Variants in PTCHD4 observed in about 807,000 individuals in gnomAD.
The protein encoded by PTCHD4 is patched domain-containing protein 4.
A neutral mutation model predicts 58.1 loss-of-function variants in PTCHD4; 33 were observed. The observed-to-expected ratio is 0.57, with a 90% CI of 0.43 to 0.76. The LOEUF (loss-of-function observed/expected upper bound fraction) is 0.76. PTCHD4 is among the 30% of genes least tolerant of loss of function. The probability of loss-of-function intolerance (pLI) is 0.00; values close to 1 mark genes in which losing one functional copy is unlikely to be tolerated. For synonymous variants in PTCHD4, 478 were observed against 409.6 expected, an observed-to-expected ratio of 1.17 and a Z score of -2.02; for missense variants, 1,058 against 1,027.1, an observed-to-expected ratio of 1.03 and a Z score of -0.41.
intron 3 of PTCHD4, among the ~76,000 whole-genome samples, chr6:48,022,145 C>T (rs1763092535): frequency 6.6e-6 from 1 of 151,692 alleles, no homozygotes; most frequent in Non-Finnish European, 1.5e-5. Flanking sequence ...AATATTCCCT[C>T]CCTCTTCCTT....
intron 4 of PTCHD4, among the ~76,000 whole-genome samples, chr6:47,950,311 A>G (rs979830173): frequency 6.6e-6 from 1 of 152,134 alleles, no homozygotes; most frequent in Non-Finnish European, 1.5e-5. Context: ...CATGGAAAAT[A>G]TAAGCTGGGT....
intron 4 of PTCHD4, among the ~76,000 whole-genome samples, chr6:47,986,874 C>T (rs945878754): frequency 1.3e-5 from 2 of 152,140 alleles, no homozygotes; most frequent in African/African-American, 4.8e-5. Flanking sequence ...GGGTATGCCA[C>T]TGCCAGGGGA....
In PTCHD4 at chr6:48,068,639, C is replaced by T. The variant is rs1005165296; in HGVS notation, c.8G>A (p.Arg3Gln). 17 of 1,546,620 alleles carry T rather than the reference C, an allele frequency of 1.1e-5. No homozygotes were observed. Among genetic ancestry groups the T allele is most frequent in the Non-Finnish European group, 1.5e-5 (17 of 1,151,300 alleles). MR[R>Q]PGAPASWIWW... ...GATCCAGCTCGCAGGCGCTCCCGGCCGTCTTAAAAAGCACATGTGACATGT... is the reference window on the plus strand; with the variant it reads ...GATCCAGCTCGCAGGCGCTCCCGGCTGTCTTAAAAAGCACATGTGACATGT... The change falls in exon 3 of 5, where the codon CGG (arginine) becomes CAG (glutamine). Residue 3 changes from arginine to glutamine, a missense_variant and splice_region_variant. Arg to Gln is a conservative substitution (Grantham distance 43, BLOSUM62 1). Transcript: ENST00000339488. This position sits in a 1 kb window ranked among gnomAD's most constrained non-coding sequence, Gnocchi z 4.2.
At chr6:48,032,497 CTT>C (rs1396915796) in intron 3 of PTCHD4, among the ~76,000 whole-genome samples, 4 of 151,796 alleles carry the variant, frequency 2.6e-5, no homozygotes, top group African/African-American at 9.7e-5. Flanking sequence ...AAAATTCTAA[CTT>C]AATATGACAC....
intron 1 of PTCHD4, among the ~76,000 whole-genome samples, chr6:48,082,844 A>G (rs1049219877): frequency 1.3e-5 from 2 of 152,050 alleles, no homozygotes; most frequent in Non-Finnish European, 2.9e-5. Flanking sequence ...TATACGAAAT[A>G]ATTATTTATA....
intron 3 of PTCHD4, among the ~76,000 whole-genome samples, chr6:48,040,472 G>GA (rs11335428): frequency 4.0e-5 from 6 of 150,516 alleles, no homozygotes; most frequent in East Asian, 2.0e-4. Flanking sequence ...AGAAAGAAAG[G>GA]AAAAAAAAAA....
intron 1 of PTCHD4, among the ~76,000 whole-genome samples, chr6:48,076,792 A>T (rs547867909): frequency 6.6e-6 from 1 of 152,358 alleles, no homozygotes; most frequent in African/African-American, 2.4e-5. Context: ...GAATGAATTT[A>T]TGGAGAAAAA....
rs1406959294 is a variant in PTCHD4, at chr6:47,873,747, T to C, written c.*4556A>G. Among the ~76,000 whole-genome samples, 1 of 151,706 alleles carries C rather than the reference T, an allele frequency of 6.6e-6. No individual in the cohort carries two copies. The highest frequency in any genetic ancestry group is 1.5e-5 in the Non-Finnish European group (1 of 67,784). On this transcript the variant is annotated 3_prime_UTR_variant, in exon 5 of 5. Coordinates refer to ENST00000339488, the MANE Select transcript of PTCHD4 (RefSeq NM_001384253.1). Reference sequence around the variant, plus strand: ...TTCAATTTCATATTGAGATTGAAGATGGGGAAATAGCAAGGGCATACCAAT... The same window carrying C: ...TTCAATTTCATATTGAGATTGAAGACGGGGAAATAGCAAGGGCATACCAAT...
intron 4 of PTCHD4, among the ~76,000 whole-genome samples, chr6:47,921,956 A>AAAAAGAAAAG (rs577009756): frequency 2.2e-4 from 32 of 147,050 alleles, no homozygotes; most frequent in Admixed American, 7.4e-4. Context: ...AAAAAAAAAA[A>AAAAAGAAAAG]AAAAGAAAAG....
At chr6:48,048,483 C>A (rs775844576) in intron 3 of PTCHD4, among the ~76,000 whole-genome samples, 2 of 151,894 alleles carry the variant, frequency 1.3e-5, no homozygotes, top group Non-Finnish European at 2.9e-5. Context: ...TCTCTCAGGG[C>A]AACCTATCTT....
intron 3 of PTCHD4, among the ~76,000 whole-genome samples, chr6:48,023,811 G>A (rs1441699007): frequency 1.3e-5 from 2 of 152,108 alleles, no homozygotes; most frequent in Non-Finnish European, 2.9e-5. Context: ...GTTCTTACAA[G>A]GTGTTAAGAA....
rs371439867 is a variant in PTCHD4 at position 48,068,503 on chromosome 6, G to C, written c.144C>G (p.Val48=). The change falls in exon 3 of 5, where the codon GTC becomes GTG. Residue 48 remains valine (V), a synonymous_variant. Transcript: ENST00000339488. The surrounding 1 kb of genome is among the most constrained non-coding windows in gnomAD (Gnocchi z 4.2). ...HPVFFLTVPA[V]LTITFGLSAL... ...CGCTGAGGCCGAAGGTGATTGTCAG[G>C]ACTGCGGGCACGGTGAGGAAAAAGA... is the stretch of plus-strand genomic sequence containing the variant. 1.2e-6 allele frequency: 2 copies of C among 1,613,198 alleles called. No homozygotes were observed. Among genetic ancestry groups the C allele is most frequent in the Non-Finnish European group, 1.7e-6 (2 of 1,179,824 alleles).
chr6:47,922,269 G>C (rs145110971), intron 4 of PTCHD4, among the ~76,000 whole-genome samples: 2 of 152,234 alleles, frequency 1.3e-5, no homozygotes, highest in Middle Eastern at 3.4e-3. Context: ...TTGAATACAA[G>C]GTAGTTCCTG....
chr6:47,984,676 A>C, intron 4 of PTCHD4, among the ~76,000 whole-genome samples: 1 of 152,132 alleles, frequency 6.6e-6, no homozygotes, highest in Non-Finnish European at 1.5e-5. Flanking sequence ...AGAATATCTA[A>C]ATATACCCAT....
In PTCHD4 at chr6:47,895,126, T is replaced by TTCTG. The variant is rs987537117; in HGVS notation, c.899-15194_899-15191dup. ...CTCCAGCCTCGGCGACAGAGTGAGA[T>TTCTG]TCTGTCTCAAAAAAGAAAAAAAAAG... is the stretch of plus-strand genomic sequence containing the variant. On this transcript the variant is annotated intron_variant, in intron 4 of 4. Coordinates refer to ENST00000339488, the MANE Select transcript of PTCHD4 (RefSeq NM_001384253.1). Among the ~76,000 whole-genome samples, 16 of 139,762 alleles carry TTCTG rather than the reference T, an allele frequency of 1.1e-4. No homozygotes were observed. The Admixed American group carries it at 1.3e-3, about 11-fold the overall frequency. The allele number at this position is 139,762 out of a possible 152,430, so 91.7% of individuals were successfully genotyped here.
chr6:48,059,531 C>T (rs1453774812), intron 3 of PTCHD4, among the ~76,000 whole-genome samples: 5 of 151,920 alleles, frequency 3.3e-5, no homozygotes, highest in Admixed American at 6.6e-5. Context: ...CACAGCTACT[C>T]GGGAGGCTGA....
At chr6:48,040,893 A>G (rs1763822282) in intron 3 of PTCHD4, among the ~76,000 whole-genome samples, 1 of 152,072 alleles carries the variant, frequency 6.6e-6, no homozygotes, top group African/African-American at 2.4e-5. Context: ...ACAAAGACGT[A>G]AAATCTCATT....
intron 1 of PTCHD4, among the ~76,000 whole-genome samples, chr6:48,080,685 C>T (rs1765149005): frequency 6.6e-6 from 1 of 152,064 alleles, no homozygotes; most frequent in African/African-American, 2.4e-5. Context: ...ATGAGAACTA[C>T]GGAAGATAAA....
intron 4 of PTCHD4, among the ~76,000 whole-genome samples, chr6:47,911,113 T>C (rs1270639213): frequency 2.6e-5 from 4 of 152,128 alleles, no homozygotes; most frequent in African/African-American, 9.6e-5. Context: ...GTTTTTCCCC[T>C]GGAAAATATA....
Sources: allele counts gnomAD v4.1 joint callset (sites outside exome capture counted in the v4.1 genomes callset), GRCh38; gene constraint gnomAD v4.1.1; non-coding constraint Gnocchi (gnomAD v3.1); transcripts MANE v1.5; gene names NCBI Gene and HGNC (gene_info 2026-07-23, HGNC 2026-07-21).